ASXL2: variants seen among roughly 807,000 people sequenced by gnomAD.
ASXL2 encodes ASXL transcriptional regulator 2.
A neutral mutation model predicts 122.0 loss-of-function variants in ASXL2; 23 were observed. That is an observed-to-expected ratio of 0.19 (90% CI 0.14 to 0.27). ASXL2 has a LOEUF of 0.27. ASXL2 is among the 10% of genes least tolerant of loss of function. The probability of loss-of-function intolerance (pLI) is 1.00; values close to 1 mark genes in which losing one functional copy is unlikely to be tolerated. For synonymous variants in ASXL2, 650 were observed against 637.0 expected (o/e 1.02, Z -0.31); for missense variants, 1,518 against 1,713.8 (o/e 0.89, Z 2.02).
chr2:25,744,009 G>C lies in ASXL2; in HGVS notation c.2328C>G (p.Thr776=), dbSNP rs752292423. The C allele has an allele frequency of 6.2e-7, 1 of 1,614,002 alleles. No homozygotes were observed. The highest frequency in any genetic ancestry group is 1.1e-5 in the South Asian group (1 of 91,080). The stretch of plus-strand genomic sequence containing the variant: ...CGGCAGGTGTTGGAGGCACTGGGGG[G>C]GTTTGCTGTAGTTGTGCTCCAGAGA... ...HSVSGAQLQQ[T]PPVPPTPAVS... Residue 776 remains threonine (T), a synonymous_variant, in exon 13 of 13, where the codon ACC becomes ACG. Coordinates refer to ENST00000435504, the MANE Select transcript of ASXL2 (RefSeq NM_018263.6). This position sits in a 1 kb window ranked among gnomAD's most constrained non-coding sequence, Gnocchi z 4.7.
chr2:25,781,764 G>A (rs1299205522), intron 5 of ASXL2, among the ~76,000 whole-genome samples: 1 of 150,950 alleles, frequency 6.6e-6, no homozygotes, highest in Non-Finnish European at 1.5e-5. Flanking sequence ...CGCCTCCTGG[G>A]TTCAAGCGAT....
rs929701062 is a variant in ASXL2, at chr2:25,735,379, G to A, written c.*6650C>T. The A allele has an allele frequency of 3.3e-5, 5 of 152,136 alleles. No homozygotes were observed. The highest frequency in any genetic ancestry group is 9.7e-5 in the African/African-American group (4 of 41,412). 9.4% of individuals were successfully genotyped at this position (152,136 alleles called of 1,614,324 possible). A position where few individuals can be genotyped will look rare whatever the true frequency, so the allele number is the denominator to read the frequency against. On this transcript the variant is annotated 3_prime_UTR_variant, in exon 13 of 13. Coordinates refer to ENST00000435504, the MANE Select transcript of ASXL2 (RefSeq NM_018263.6). ...TACACCAAATTCTTCTTTAAAAAGC[G>A]CTAGAGTCCTGCTGAAGCCCTTTTT...
intron 8 of ASXL2, among the ~76,000 whole-genome samples, chr2:25,765,920 G>A (rs965539213): frequency 1.3e-5 from 2 of 152,000 alleles, no homozygotes; most frequent in East Asian, 1.9e-4. Flanking sequence ...GGGCACATTC[G>A]GTTTAAATAT....
At chr2:25,799,980 C>CG (rs1553700038) in intron 4 of ASXL2, among the ~76,000 whole-genome samples, 41 of 94,794 alleles carry the variant, frequency 4.3e-4, no homozygotes, top group Non-Finnish European at 8.0e-4. Flanking sequence ...CCCGTCTCTA[C>CG]AAAAAAAAAA....
intron 1 of ASXL2, among the ~76,000 whole-genome samples, chr2:25,852,552 C>T (rs2089728775): frequency 6.6e-6 from 1 of 152,166 alleles, no homozygotes; most frequent in South Asian, 2.1e-4. Flanking sequence ...TTAAAAGGCT[C>T]ATTTACTGCC....
chr2:25,826,173 A>G (rs1199076368), intron 3 of ASXL2, among the ~76,000 whole-genome samples: 1 of 152,212 alleles, frequency 6.6e-6, no homozygotes, highest in African/African-American at 2.4e-5. Context: ...AATGCTGGGA[A>G]AATCTGGGGG....
intron 9 of ASXL2, among the ~76,000 whole-genome samples, chr2:25,756,697 T>C (rs1001864889): frequency 6.6e-6 from 1 of 152,186 alleles, no homozygotes; most frequent in African/African-American, 2.4e-5. Context: ...ACAAATACTT[T>C]AACTTTGCAG....
chr2:25,858,830 G>A (rs1265887018), intron 1 of ASXL2, among the ~76,000 whole-genome samples: 1 of 146,732 alleles, frequency 6.8e-6, no homozygotes, highest in Non-Finnish European at 1.5e-5. Flanking sequence ...TTTTTTTTTG[G>A]AGATGGAGTC....
intron 8 of ASXL2, among the ~76,000 whole-genome samples, chr2:25,761,775 A>T (rs1010764042): frequency 1.3e-5 from 2 of 152,142 alleles, no homozygotes; most frequent in Admixed American, 1.3e-4. Flanking sequence ...ACAGAAAATA[A>T]CCACTAATCT....
chr2:25,786,012 A>G (rs1412100900), intron 5 of ASXL2, among the ~76,000 whole-genome samples: 1 of 152,216 alleles, frequency 6.6e-6, no homozygotes, highest in African/African-American at 2.4e-5. Context: ...GATACAGATG[A>G]TTAATAATAT....
intron 5 of ASXL2, among the ~76,000 whole-genome samples, chr2:25,797,209 G>C (rs1373950904): frequency 6.6e-6 from 1 of 152,184 alleles, no homozygotes; most frequent in Non-Finnish European, 1.5e-5. Flanking sequence ...CACTTTGGGA[G>C]GCCAAGGCGG....
intron 1 of ASXL2, among the ~76,000 whole-genome samples, chr2:25,877,001 G>A (rs2090014756): frequency 1.3e-5 from 2 of 152,142 alleles, no homozygotes; most frequent in East Asian, 1.9e-4. Flanking sequence ...CAGCCGAGCG[G>A]TGAAATAAAT....
chr2:25,836,881 A>T (rs948119646), intron 2 of ASXL2, among the ~76,000 whole-genome samples: 1 of 152,212 alleles, frequency 6.6e-6, no homozygotes, highest in Admixed American at 6.5e-5. Flanking sequence ...CGAACAAATA[A>T]TCTTCCTAAT....
intron 2 of ASXL2, among the ~76,000 whole-genome samples, chr2:25,840,368 C>A (rs973815835): frequency 6.6e-6 from 1 of 152,134 alleles, no homozygotes; most frequent in Non-Finnish European, 1.5e-5. Context: ...TGGTTGGTTG[C>A]GGTAAAACCC....
chr2:25,750,135 A>G lies in ASXL2; in HGVS notation c.1421T>C (p.Leu474Pro), dbSNP rs2149140899. The change falls in exon 12 of 13, where the codon CTT becomes CCT. Residue 474 changes from leucine (L) to proline (P), a missense_variant. By Grantham distance (98) the Leu-to-Pro change is moderately conservative. This residue lies in a region of ASXL2 where 292 missense variants were observed against 293.5 expected (regional missense o/e 1.00). Transcript: ENST00000435504. Reference protein sequence around the residue: ...LLSSALNTHELSSILPIKCPK... With the variant: ...LLSSALNTHEPSSILPIKCPK... The stretch of plus-strand genomic sequence containing the variant: ...GCACTTGATGGGAAGAATGCTGCTA[A>G]GCTCATGTGTATTGAGAGCTGAGGA... 5 of 1,614,010 alleles carry G rather than the reference A, an allele frequency of 3.1e-6. No individual in the cohort carries two copies. The highest frequency in any genetic ancestry group is 4.2e-6 in the Non-Finnish European group (5 of 1,179,886).
Position 25,742,245 on chromosome 2 carries a change from G to A in ASXL2, c.4092C>T (p.Val1364=). The change falls in exon 13 of 13, where the codon GTC becomes GTT. Residue 1364 remains valine (V), a synonymous_variant. Transcript: ENST00000435504. ...TAGCTTGGCTAGCAGGGATGGTAGT[G>A]ACAGTCACTGAAAATGACATGACAT... is the stretch of plus-strand genomic sequence containing the variant. The part of the protein sequence containing the change: ...VGDVMSFSVT[V]TTIPASQAMN... 7 of 1,613,942 alleles carry A rather than the reference G, an allele frequency of 4.3e-6. No homozygotes were observed. Among genetic ancestry groups the A allele is most frequent in the Middle Eastern group, 1.6e-4 (1 of 6,062 alleles).
At chr2:25,858,128 T>C (rs751964467) in intron 1 of ASXL2, among the ~76,000 whole-genome samples, 8 of 152,164 alleles carry the variant, frequency 5.3e-5, no homozygotes, top group Non-Finnish European at 1.2e-4. Context: ...GACACTGAGA[T>C]TTAGTGTTTG....
intron 5 of ASXL2, among the ~76,000 whole-genome samples, chr2:25,772,243 A>G (rs1397648826): frequency 6.6e-6 from 1 of 152,182 alleles, no homozygotes; most frequent in African/African-American, 2.4e-5. Context: ...ATATGTGAGT[A>G]GTGTTTACGA....
At chr2:25,746,433 C>T (rs1180435896) in intron 12 of ASXL2, among the ~76,000 whole-genome samples, 1 of 150,752 alleles carries the variant, frequency 6.6e-6, no homozygotes, top group Non-Finnish European at 1.5e-5. Context: ...ATTTTAGAGG[C>T]TGCCTACAGT....
Sources: gnomAD v4.1 joint callset for allele counts (sites outside exome capture counted in the v4.1 genomes callset) on GRCh38, gnomAD v4.1.1 for gene constraint, gnomAD v4.1.1 regional missense constraint, Gnocchi (gnomAD v3.1) non-coding constraint, MANE v1.5 for transcripts, NCBI Gene and HGNC (gene_info 2026-07-23, HGNC 2026-07-21) for gene names.